SIL1: variants seen among roughly 807,000 people sequenced by gnomAD.
SIL1 encodes nucleotide exchange factor SIL1.
In SIL1, 40 loss-of-function variants were observed where a neutral mutation model predicts 49.1. The ratio of observed to expected loss-of-function variants is 0.81; its 90% CI spans 0.63 to 1.06. SIL1 has a LOEUF of 1.06. SIL1 is among the 50% of genes least tolerant of loss of function. The pLI is 0.00. For missense variants in SIL1, 500 were observed against 572.6 expected, an observed-to-expected ratio of 0.87 and a Z score of 1.29; for synonymous variants, 253 against 250.8, an observed-to-expected ratio of 1.01 and a Z score of -0.08.
chr5:139,087,880 C>A (rs548982247), intron 3 of SIL1, among the ~76,000 whole-genome samples: 10 of 152,288 alleles, frequency 6.6e-5, no homozygotes, highest in African/African-American at 2.2e-4. Flanking sequence ...GGTTACCAGA[C>A]CACCCCTCCA....
chr5:139,004,945 G>A (rs1581022383), intron 7 of SIL1, among the ~76,000 whole-genome samples: 1 of 152,268 alleles, frequency 6.6e-6, no homozygotes, highest in Non-Finnish European at 1.5e-5. Context: ...CTTACCAAGG[G>A]CTGGGGTAAA....
At chr5:139,072,867 CAAAT>C (rs1769864794) in intron 3 of SIL1, among the ~76,000 whole-genome samples, 1 of 152,112 alleles carries the variant, frequency 6.6e-6, no homozygotes, top group East Asian at 1.9e-4. Context: ...CAGCAAAAAA[CAAAT>C]AACCTGATTT....
chr5:139,171,170 C>T (rs1285991494), intron 1 of SIL1, among the ~76,000 whole-genome samples: 1 of 152,246 alleles, frequency 6.6e-6, no homozygotes, highest in Non-Finnish European at 1.5e-5. Flanking sequence ...AGGAGCCCCT[C>T]TGCCCGGCCA....
intron 7 of SIL1, among the ~76,000 whole-genome samples, chr5:138,960,743 C>T (rs1036030285): frequency 6.6e-6 from 1 of 152,218 alleles, no homozygotes; most frequent in Admixed American, 6.5e-5. Context: ...GCGTGAGCCA[C>T]GGCACTCGGC....
intron 1 of SIL1, among the ~76,000 whole-genome samples, chr5:139,168,708 GAC>G (rs1325717294): frequency 5.9e-5 from 9 of 152,046 alleles, no homozygotes; most frequent in African/African-American, 1.9e-4. Context: ...CGCAGTGACT[GAC>G]ACCTGTAATC....
chr5:139,163,165 G>A (rs554021231), intron 1 of SIL1, among the ~76,000 whole-genome samples: 1 of 152,098 alleles, frequency 6.6e-6, no homozygotes, highest in South Asian at 2.1e-4. Context: ...CTTATAACCA[G>A]GCTAAGGAGT....
chr5:138,963,997 G>A (rs938430969), intron 7 of SIL1, among the ~76,000 whole-genome samples: 1 of 152,218 alleles, frequency 6.6e-6, no homozygotes, highest in Admixed American at 6.5e-5. Context: ...CCGGAAGCAG[G>A]AACAACACTG....
At chr5:139,121,308 A>T in intron 2 of SIL1, 135 bp from the exon 3 acceptor site, 1 of 1,206,898 alleles carries the variant, frequency 8.3e-7, no homozygotes, top group African/African-American at 1.5e-5. Context: ...GACACTCGCA[A>T]TTCCTTTCCC....
At chr5:139,177,624 G>T (rs946441110) in intron 1 of SIL1, among the ~76,000 whole-genome samples, 1 of 152,124 alleles carries the variant, frequency 6.6e-6, no homozygotes, top group Non-Finnish European at 1.5e-5. Context: ...AGATGAATAA[G>T]TGAAAGGAGT....
intron 7 of SIL1, among the ~76,000 whole-genome samples, chr5:139,002,160 A>G (rs1192566959): frequency 6.6e-6 from 1 of 151,976 alleles, no homozygotes; most frequent in Non-Finnish European, 1.5e-5. Flanking sequence ...CAGTGAACCA[A>G]GATCATGCCA....
chr5:138,956,292 T>C (rs1387955015), intron 7 of SIL1, among the ~76,000 whole-genome samples: 1 of 152,218 alleles, frequency 6.6e-6, no homozygotes, highest in East Asian at 1.9e-4. Context: ...AGATTTCCTC[T>C]GGTGGCCCCA....
intron 1 of SIL1, chr5:139,196,415 A>ATC (rs1395304749): frequency 6.6e-6 from 1 of 152,212 alleles, no homozygotes; most frequent in Non-Finnish European, 1.5e-5. Context: ...CCCACATGTC[A>ATC]GTTATTTTAA....
chr5:139,117,727 G>GA (rs2151791573), intron 3 of SIL1, among the ~76,000 whole-genome samples: 1 of 152,240 alleles, frequency 6.6e-6, no homozygotes, highest in South Asian at 2.1e-4. Flanking sequence ...AAAGAGACAG[G>GA]AAAATCACTT....
chr5:139,002,917 G>GC (rs1768018703), intron 7 of SIL1, among the ~76,000 whole-genome samples: 1 of 152,128 alleles, frequency 6.6e-6, no homozygotes, highest in African/African-American at 2.4e-5. Flanking sequence ...TTGAACTTCT[G>GC]CATGCTCTGT....
chr5:139,142,140 C>T (rs1473332216), intron 1 of SIL1, among the ~76,000 whole-genome samples: 2 of 152,284 alleles, frequency 1.3e-5, no homozygotes, highest in South Asian at 2.1e-4. Flanking sequence ...GTTCACCTGG[C>T]CCAACTTCAA....
chr5:139,111,127 A>C lies in SIL1; in HGVS notation c.244+9908T>G, dbSNP rs113068164. 5.7e-3 allele frequency among the ~76,000 whole-genome samples: 869 copies of C among 152,284 alleles called. 3 individuals carry two copies. The highest frequency in any genetic ancestry group is 0.02 in the African/African-American group (832 of 41,556). ...TCTTGGTTGTCCAAGCACCTTCCCCACAGTAGTTCTTCCCAACCTTCCATT... is the reference window on the plus strand; with the variant it reads ...TCTTGGTTGTCCAAGCACCTTCCCCCCAGTAGTTCTTCCCAACCTTCCATT... On this transcript the variant is annotated intron_variant, in intron 3 of 9. Coordinates refer to ENST00000394817, the MANE Select transcript of SIL1 (RefSeq NM_022464.5).
intron 3 of SIL1, among the ~76,000 whole-genome samples, chr5:139,090,005 G>A (rs565417340): frequency 6.3e-4 from 96 of 152,026 alleles, no homozygotes; most frequent in Non-Finnish European, 9.7e-4. Context: ...AACTTCCCTA[G>A]ACCTCTTCTG....
Position 138,948,685 on chromosome 5 carries a change from C to T in SIL1, c.1030-1212G>A, listed in dbSNP as rs754903560. Among the ~76,000 whole-genome samples, 9 of 152,166 alleles carry T rather than the reference C, an allele frequency of 5.9e-5. No homozygotes were observed. Among genetic ancestry groups the T allele is most frequent in the African/African-American group, 7.2e-5 (3 of 41,430 alleles). On this transcript the variant is annotated intron_variant, in intron 9 of 9. Coordinates refer to ENST00000394817, the MANE Select transcript of SIL1 (RefSeq NM_022464.5). This position sits in a 1 kb window ranked among gnomAD's most constrained non-coding sequence, Gnocchi z 4.8. ...CCCTGCACACCTCACCGCCACTGAC[C>T]GGCCTCCCCTGACTGGCCTTCTCTG...
intron 7 of SIL1, among the ~76,000 whole-genome samples, chr5:138,967,233 C>A (rs1020091762): frequency 6.6e-6 from 1 of 152,190 alleles, no homozygotes. Context: ...GCCAGCAGCA[C>A]CAGCAGTATC....
Sources: gnomAD v4.1 joint callset for allele counts (sites outside exome capture counted in the v4.1 genomes callset) on GRCh38, gnomAD v4.1.1 for gene constraint, Gnocchi (gnomAD v3.1) non-coding constraint, MANE v1.5 for transcripts, NCBI Gene and HGNC (gene_info 2026-07-23, HGNC 2026-07-21) for gene names.